MS4A3: variants seen among roughly 807,000 people sequenced by gnomAD.
MS4A3 encodes membrane-spanning 4-domains subfamily A member 3.
A neutral mutation model predicts 24.7 loss-of-function variants in MS4A3; 18 were observed. That is an observed-to-expected ratio of 0.73 (90% CI 0.50 to 1.08). The LOEUF is 1.08. Ranked by LOEUF, MS4A3 falls within the 50% of genes least tolerant of loss-of-function variation. The probability of loss-of-function intolerance (pLI) is 0.00; values close to 1 mark genes in which losing one functional copy is unlikely to be tolerated. For synonymous variants in MS4A3, 84 were observed against 95.3 expected (o/e 0.88, Z 0.69); for missense variants, 282 against 251.7 (o/e 1.12, Z -0.82).
intron 6 of MS4A3, among the ~76,000 whole-genome samples, 180 bp from the exon 7 acceptor site, chr11:60,070,024 A>G (rs1855449477): frequency 6.6e-6 from 1 of 152,150 alleles, no homozygotes; most frequent in Non-Finnish European, 1.5e-5. Context: ...TGAAAATAAT[A>G]TTTTCATTCT....
chr11:60,069,560 A>C lies in MS4A3; in HGVS notation c.514-14A>C, dbSNP rs773442612. 4.4e-6 allele frequency: 7 copies of C among 1,587,576 alleles called. No homozygotes were observed. The highest frequency in any genetic ancestry group is 6.0e-6 in the Non-Finnish European group (7 of 1,157,868). On this transcript the variant is annotated splice_polypyrimidine_tract_variant and intron_variant, in intron 5 of 6. Transcript: ENST00000278865. The stretch of plus-strand genomic sequence containing the variant: ...GTTGCCACTGGGTTTGATATAAGGC[A>C]TCATATCCCCTAGGGCATGGTGTCT...
intron 5 of MS4A3, among the ~76,000 whole-genome samples, chr11:60,068,294 C>CAGTG (rs1855407559): frequency 1.5e-5 from 2 of 134,476 alleles, no homozygotes; most frequent in Admixed American, 8.5e-5. Flanking sequence ...GGCTGGAGTG[C>CAGTG]AGTGGCGCCA....
At chr11:60,061,450 G>A in intron 2 of MS4A3, 134 bp downstream of exon 2, 1 of 1,074,728 alleles carries the variant, frequency 9.3e-7, no homozygotes. Flanking sequence ...GCCATCCCGA[G>A]ACAGCAAGAA....
chr11:60,062,176 T>G (rs1269495845), intron 2 of MS4A3, among the ~76,000 whole-genome samples: 2 of 152,198 alleles, frequency 1.3e-5, no homozygotes, highest in African/African-American at 4.8e-5. Flanking sequence ...TTTGACTCCA[T>G]CTACCTTACC....
chr11:60,066,959 C>T lies in MS4A3; in HGVS notation c.360C>T (p.Asn120=). ...TTCTTATTCTTTTTTAGATACAGAA[C>T]AGTTTTGGAATGAACATTGCCAGTG... is the stretch of plus-strand genomic sequence containing the variant. The part of the protein sequence containing the change: ...GIKPTRTWIQ[N]SFGMNIASAT... The change falls in exon 5 of 7, where the codon AAC becomes AAT. Residue 120 remains asparagine (N), a synonymous_variant. Coordinates refer to ENST00000278865, the MANE Select transcript of MS4A3 (RefSeq NM_006138.5). The T allele has an allele frequency of 3.8e-6, 6 of 1,593,232 alleles. No homozygotes were observed. The highest frequency in any genetic ancestry group is 5.1e-6 in the Non-Finnish European group (6 of 1,174,786).
At chr11:60,057,907 G>C (rs916559310) in intron 1 of MS4A3, among the ~76,000 whole-genome samples, 1 of 152,158 alleles carries the variant, frequency 6.6e-6, no homozygotes, top group African/African-American at 2.4e-5. Flanking sequence ...GCTTGCAGAG[G>C]TATTTTCCAT....
chr11:60,068,409 G>GTTTTTT (rs1304133796), intron 5 of MS4A3, among the ~76,000 whole-genome samples: 1 of 122,196 alleles, frequency 8.2e-6, no homozygotes, highest in African/African-American at 3.0e-5. Context: ...CCGGCTAATT[G>GTTTTTT]TTTTTTTTTT....
chr11:60,066,739 G>A (rs1400976941), intron 4 of MS4A3, among the ~76,000 whole-genome samples: 2 of 152,054 alleles, frequency 1.3e-5, no homozygotes, highest in Admixed American at 6.6e-5. Flanking sequence ...CCTATAGTAT[G>A]TTTACTTTTT....
At chr11:60,067,526 T>A (rs1855385304) in intron 5 of MS4A3, among the ~76,000 whole-genome samples, 1 of 152,086 alleles carries the variant, frequency 6.6e-6, no homozygotes, top group South Asian at 2.1e-4. Flanking sequence ...ATAATTTGAA[T>A]CTTGGGTCTG....
chr11:60,056,863 C>T (rs1855177660), intron 1 of MS4A3, 123 bp downstream of exon 1: 1 of 152,162 alleles, frequency 6.6e-6, no homozygotes, highest in Admixed American at 6.5e-5. Flanking sequence ...AGGTTTGGAA[C>T]ATTTAACTGT....
chr11:60,061,025 C>T (rs972827651), intron 1 of MS4A3, 121 bp from the exon 2 acceptor site: 1 of 791,000 alleles, frequency 1.3e-6, no homozygotes, highest in Non-Finnish European at 1.9e-6. Flanking sequence ...CCCTGGTGTC[C>T]CATTTGTGGA....
chr11:60,059,502 C>T (rs1381600597), intron 1 of MS4A3, among the ~76,000 whole-genome samples: 6 of 152,042 alleles, frequency 3.9e-5, no homozygotes, highest in African/African-American at 1.4e-4. Flanking sequence ...AGGTACTAAG[C>T]CTAGTACTCA....
intron 4 of MS4A3, among the ~76,000 whole-genome samples, chr11:60,065,408 A>AAAACG (rs1565063819): frequency 6.6e-6 from 1 of 152,152 alleles, no homozygotes; most frequent in Non-Finnish European, 1.5e-5. Context: ...AAAACAAAAC[A>AAAACG]AAACAAAACA....
rs537332083 is a variant in MS4A3, at chr11:60,071,051, A to C, written c.*818A>C. ...CCTCATCTGTAAAATAGGTGTAATA[A>C]TAACAACTACTTTGTCGGTTGCTCT... is the stretch of plus-strand genomic sequence containing the variant. On this transcript the variant is annotated 3_prime_UTR_variant, in exon 7 of 7. Transcript: ENST00000278865. 4 of 152,370 alleles carry C rather than the reference A, an allele frequency of 2.6e-5. No homozygotes were observed. The highest frequency in any genetic ancestry group is 9.6e-5 in the African/African-American group (4 of 41,588). The allele number at this position is 152,370 out of a possible 1,614,324, so 9.4% of individuals were successfully genotyped here.
At chr11:60,064,008 C>T (rs11823515) in intron 3 of MS4A3, among the ~76,000 whole-genome samples, 26 of 150,836 alleles carry the variant, frequency 1.7e-4, no homozygotes, top group African/African-American at 5.6e-4. Context: ...TCCCCAATAA[C>T]GTATGGAAAT....
chr11:60,060,003 C>T (rs1387280579), intron 1 of MS4A3, among the ~76,000 whole-genome samples: 1 of 152,158 alleles, frequency 6.6e-6, no homozygotes, highest in Non-Finnish European at 1.5e-5. Flanking sequence ...CATTTTACAA[C>T]TATTTTGTGT....
intron 5 of MS4A3, among the ~76,000 whole-genome samples, chr11:60,068,467 T>C (rs1201040263): frequency 6.7e-6 from 1 of 150,152 alleles, no homozygotes; most frequent in African/African-American, 2.4e-5. Flanking sequence ...TTAGCCAGGA[T>C]GGTCTCGATC....
rs540628257 is a variant in MS4A3, at chr11:60,062,820, T to G, written c.294+215T>G. 2.1e-3 allele frequency among the ~76,000 whole-genome samples: 322 copies of G among 152,312 alleles called. 2 individuals are homozygous for G. The highest frequency in any genetic ancestry group is 7.1e-3 in the African/African-American group (294 of 41,566). On this transcript the variant is annotated intron_variant, in intron 3 of 6. Transcript: ENST00000278865. Reference sequence around the variant, plus strand: ...TTAATTTATTTTTTGAGACAAAGTCTCGATCTGCCATCCAGGCTGGAGTGC... The same window carrying G: ...TTAATTTATTTTTTGAGACAAAGTCGCGATCTGCCATCCAGGCTGGAGTGC...
At position 60,067,017 on chromosome 11, in the gene MS4A3, T is replaced by C. The variant is rs1855372134; in HGVS notation, c.418T>C (p.Ser140Pro). Reference protein sequence around the residue: ...TIALVGTAFLSLNIAVNIQSL... With the variant: ...TIALVGTAFLPLNIAVNIQSL... Reference sequence around the variant, plus strand: ...TGCACTAGTGGGGACTGCTTTTCTCTCACTAAATATAGCAGTTAATATCCA... The same window carrying C: ...TGCACTAGTGGGGACTGCTTTTCTCCCACTAAATATAGCAGTTAATATCCA... Residue 140 changes from serine to proline, a missense_variant, in exon 5 of 7, where the codon TCA (serine) becomes CCA (proline). By Grantham distance (74) the Ser-to-Pro change is moderately conservative (BLOSUM62 -1). Transcript: ENST00000278865. The C allele has an allele frequency of 6.2e-7, 1 of 1,613,090 alleles. No homozygotes were observed. Among genetic ancestry groups the C allele is most frequent in the South Asian group, 1.1e-5 (1 of 90,970 alleles).
Sources: allele counts gnomAD v4.1 joint callset (sites outside exome capture counted in the v4.1 genomes callset), GRCh38; gene constraint gnomAD v4.1.1; transcripts MANE v1.5; gene names NCBI Gene and HGNC (gene_info 2026-07-23, HGNC 2026-07-21).